ASTN2: variants seen among roughly 807,000 people sequenced by gnomAD.
ASTN2 encodes the protein astrotactin 2.
Under a neutral mutation model 139.8 loss-of-function variants are expected in ASTN2, and 54 were observed. That is an observed-to-expected ratio of 0.39 (90% CI 0.31 to 0.48). ASTN2 has a LOEUF of 0.48. Among genes scored for constraint, ASTN2 ranks in the 20% least tolerant of loss-of-function variants. The pLI is 0.95. For synonymous variants in ASTN2, 756 were observed against 719.5 expected, an observed-to-expected ratio of 1.05 and a Z score of -0.81; for missense variants, 1,565 against 1,725.1, an observed-to-expected ratio of 0.91 and a Z score of 1.64.
At chr9:117,038,324 A>G (rs966969378) in intron 6 of ASTN2, among the ~76,000 whole-genome samples, 20 of 152,232 alleles carry the variant, frequency 1.3e-4, no homozygotes, top group Non-Finnish European at 2.9e-4. Flanking sequence ...AAATTTTTTT[A>G]AAGAATTAAT....
intron 11 of ASTN2, among the ~76,000 whole-genome samples, chr9:116,830,512 T>C (rs7021811): frequency 0.79 from 120,508 of 151,844 alleles, 48,020 homozygotes; most frequent in East Asian, 0.92. Flanking sequence ...TTACATTAGG[T>C]CGGTCACGGT....
At chr9:116,725,665 C>G (rs531062945) in intron 16 of ASTN2, 106 bp downstream of exon 16, 4 of 1,175,212 alleles carry the variant, frequency 3.4e-6, no homozygotes, top group Non-Finnish European at 4.8e-6. Flanking sequence ...ACAGCTTAGA[C>G]GTGGCAGAGC....
rs960122443 is a variant in ASTN2 at position 117,066,704 on chromosome 9, T to C, written c.1277-26739A>G. Among the ~76,000 whole-genome samples, 4 of 152,182 alleles carry C rather than the reference T, an allele frequency of 2.6e-5. No homozygotes were observed. In the South Asian group the frequency reaches 6.2e-4, roughly 24 times the overall value. On this transcript the variant is annotated intron_variant, in intron 5 of 22. Transcript: ENST00000313400. ...TGTTGTTTCCTGACTTTTTAATGATTGCCATTCTAACTGGTGTGAGATGGT... is the reference window on the plus strand; with the variant it reads ...TGTTGTTTCCTGACTTTTTAATGATCGCCATTCTAACTGGTGTGAGATGGT...
chr9:116,510,482 T>C (rs1377673890), intron 19 of ASTN2, among the ~76,000 whole-genome samples: 4 of 152,088 alleles, frequency 2.6e-5, no homozygotes, highest in African/African-American at 7.2e-5. Flanking sequence ...CTTGGCAATG[T>C]GGGCTCTTTT....
intron 3 of ASTN2, among the ~76,000 whole-genome samples, chr9:117,146,260 TG>T (rs1465387556): frequency 6.6e-6 from 1 of 152,076 alleles, no homozygotes; most frequent in African/African-American, 2.4e-5. Flanking sequence ...ACCCATCGCC[TG>T]GATGAATGCA....
At chr9:117,076,730 T>C (rs1828290713) in intron 5 of ASTN2, among the ~76,000 whole-genome samples, 1 of 152,086 alleles carries the variant, frequency 6.6e-6, no homozygotes, top group Admixed American at 6.5e-5. Context: ...CAGGATGTAG[T>C]CACAGACCAC....
chr9:116,773,675 T>C (rs1006416824), intron 13 of ASTN2, among the ~76,000 whole-genome samples: 1 of 147,780 alleles, frequency 6.8e-6, no homozygotes, highest in Admixed American at 6.7e-5. Context: ...CATGTTCCCA[T>C]CTTCCCTTGC....
chr9:116,532,479 G>C (rs2080660), intron 19 of ASTN2, among the ~76,000 whole-genome samples: 1 of 151,998 alleles, frequency 6.6e-6, no homozygotes, highest in Admixed American at 6.5e-5. Context: ...TTCTTCTAGG[G>C]TTTTTATGGT....
chr9:116,838,463 GC>G (rs1340930664), intron 11 of ASTN2, among the ~76,000 whole-genome samples: 2 of 151,274 alleles, frequency 1.3e-5, no homozygotes, highest in Non-Finnish European at 2.9e-5. Context: ...CACTCTTGTT[GC>G]CCAGACTGGA....
chr9:116,820,794 A>T lies in ASTN2; in HGVS notation c.2041-11T>A. The T allele has an allele frequency of 6.2e-7, 1 of 1,608,108 alleles. No homozygotes were observed. The highest frequency in any genetic ancestry group is 8.5e-7 in the Non-Finnish European group (1 of 1,175,898). ...CAGCTCCTCAGGGCACTGCTCAGAG[A>T]GAGGGCAACAGGGTAGTTATGGCTT... On this transcript the variant is annotated splice_polypyrimidine_tract_variant and intron_variant, in intron 11 of 22. Coordinates refer to ENST00000313400, the MANE Select transcript of ASTN2 (RefSeq NM_001365068.1).
At chr9:117,248,030 T>C (rs1272627749) in intron 2 of ASTN2, among the ~76,000 whole-genome samples, 1 of 152,212 alleles carries the variant, frequency 6.6e-6, no homozygotes, top group Non-Finnish European at 1.5e-5. Context: ...CCAGAGGTAA[T>C]CAGGTGTATT....
chr9:116,426,087 T>C lies in ASTN2; in HGVS notation c.3784A>G (p.Lys1262Glu). ...AGTCGCCGTAGAATCAGGTGGGCCT[T>C]CCTGAAAGGTAGGATGAGACAGCCA... ...WRSEDELGPR[K>E]AHLILRRLER... Residue 1262 changes from lysine (K) to glutamate (E), a missense_variant and splice_region_variant, in exon 23 of 23, where the codon AAG becomes GAG. Lys to Glu is a moderately conservative substitution (Grantham distance 56). Coordinates refer to ENST00000313400, the MANE Select transcript of ASTN2 (RefSeq NM_001365068.1). The C allele has an allele frequency of 6.2e-7, 1 of 1,612,660 alleles. No homozygotes were observed. Among genetic ancestry groups the C allele is most frequent in the Non-Finnish European group, 8.5e-7 (1 of 1,179,938 alleles).
rs538776405 is a variant in ASTN2 at position 116,600,270 on chromosome 9, G to A, written c.3355+18054C>T. On this transcript the variant is annotated intron_variant, in intron 19 of 22. Transcript: ENST00000313400. Reference sequence around the variant, plus strand: ...GCCCGGGAGATAGAGGCTACAGCGAGGTGTGATTGGGCCCCTGCACTCCAG... The same window carrying A: ...GCCCGGGAGATAGAGGCTACAGCGAAGTGTGATTGGGCCCCTGCACTCCAG... 1.2e-3 allele frequency among the ~76,000 whole-genome samples: 183 copies of A among 148,902 alleles called. 3 individuals are homozygous for A. In the South Asian group the frequency reaches 0.017, roughly 14 times the overall value.
At chr9:117,189,245 A>G (rs935892426) in intron 3 of ASTN2, among the ~76,000 whole-genome samples, 1 of 152,150 alleles carries the variant, frequency 6.6e-6, no homozygotes, top group Admixed American at 6.5e-5. Flanking sequence ...AGTCCCTTCC[A>G]GTCAGGGATA....
At chr9:116,640,268 G>A (rs1179207234) in intron 17 of ASTN2, among the ~76,000 whole-genome samples, 2 of 151,948 alleles carry the variant, frequency 1.3e-5, no homozygotes, top group African/African-American at 2.4e-5. Context: ...TTTATCTGCT[G>A]TTTCTTCCTC....
chr9:117,059,402 A>G (rs1394895562), intron 5 of ASTN2, among the ~76,000 whole-genome samples: 1 of 152,106 alleles, frequency 6.6e-6, no homozygotes, highest in Non-Finnish European at 1.5e-5. Context: ...TCACGAGGTC[A>G]GGAGTTCGAG....
chr9:116,725,300 T>C (rs968250994), intron 16 of ASTN2, among the ~76,000 whole-genome samples: 6 of 151,990 alleles, frequency 3.9e-5, no homozygotes, highest in Non-Finnish European at 8.8e-5. Flanking sequence ...CAGGACAGAA[T>C]GGAAACCGTC....
chr9:117,129,236 T>G (rs2132833522), intron 4 of ASTN2, among the ~76,000 whole-genome samples: 1 of 152,276 alleles, frequency 6.6e-6, no homozygotes, highest in African/African-American at 2.4e-5. Flanking sequence ...CTAGAAATGT[T>G]CTCCTTAACC....
intron 10 of ASTN2, among the ~76,000 whole-genome samples, chr9:116,950,926 T>C (rs1219933319): frequency 6.6e-6 from 1 of 152,166 alleles, no homozygotes; most frequent in Admixed American, 6.5e-5. Flanking sequence ...GTTTCCTTTA[T>C]GTTAAAGATG....
Sources: allele counts gnomAD v4.1 joint callset (sites outside exome capture counted in the v4.1 genomes callset), GRCh38; gene constraint gnomAD v4.1.1; transcripts MANE v1.5; gene names NCBI Gene and HGNC (gene_info 2026-07-23, HGNC 2026-07-21).